HIVEP3: variants seen among roughly 807,000 people sequenced by gnomAD.
HIVEP3 encodes the protein HIVEP zinc finger 3, also known as transcription factor HIVEP3.
In HIVEP3, 49 loss-of-function variants were observed where a neutral mutation model predicts 152.8. The observed-to-expected ratio is 0.32, with a 90% CI of 0.26 to 0.41. The LOEUF is 0.41. HIVEP3 is among the 10% of genes least tolerant of loss of function. The probability of loss-of-function intolerance (pLI) is 1.00; values close to 1 mark genes in which losing one functional copy is unlikely to be tolerated. For missense variants in HIVEP3, 2,790 were observed against 3,103.3 expected (o/e 0.90, Z 2.40); for synonymous variants, 1,269 against 1,289.0 (o/e 0.98, Z 0.33).
At chr1:41,742,196 G>A (rs887758163) in intron 1 of HIVEP3, among the ~76,000 whole-genome samples, 8 of 151,904 alleles carry the variant, frequency 5.3e-5, no homozygotes, top group African/African-American at 1.2e-4. Flanking sequence ...CCATCCATAC[G>A]CTCATCTTTT....
intron 3 of HIVEP3, among the ~76,000 whole-genome samples, chr1:41,620,001 C>T (rs1240198348): frequency 1.3e-5 from 2 of 152,172 alleles, no homozygotes; most frequent in African/African-American, 2.4e-5. Flanking sequence ...CTCACAGGCT[C>T]TGCAGGGGTT....
intron 1 of HIVEP3, among the ~76,000 whole-genome samples, chr1:41,883,350 T>A (rs1224751900): frequency 6.6e-6 from 1 of 152,116 alleles, no homozygotes; most frequent in Admixed American, 6.5e-5. Context: ...ACTGCAGTGC[T>A]GTGAGCTAGA....
At chr1:41,846,567 C>T (rs1643450936) in intron 1 of HIVEP3, among the ~76,000 whole-genome samples, 2 of 152,306 alleles carry the variant, frequency 1.3e-5, no homozygotes, top group South Asian at 2.1e-4. Flanking sequence ...TGAACGTGTT[C>T]GCTGTGAGGA....
Position 41,956,029 on chromosome 1 carries a change from G to A in HIVEP3, n.120-37505C>T, listed in dbSNP as rs545815624. On this transcript the variant is annotated intron_variant and non_coding_transcript_variant, in intron 1 of 3. Transcript: ENST00000489103. ...TTGTAGCCGGGACTCACTTCCAGCG[G>A]AAGGTGAAGAACAGTGAAGGCTGAA... Among the ~76,000 whole-genome samples, 4 of 152,362 alleles carry A rather than the reference G, an allele frequency of 2.6e-5. No homozygotes were observed. The South Asian group carries it at 8.3e-4, about 32-fold the overall frequency.
chr1:41,733,329 G>A (rs1250086150), intron 1 of HIVEP3, among the ~76,000 whole-genome samples: 1 of 152,222 alleles, frequency 6.6e-6, no homozygotes, highest in Non-Finnish European at 1.5e-5. Context: ...CAACTCCCAG[G>A]TACCAAGTGG....
intron 1 of HIVEP3, among the ~76,000 whole-genome samples, chr1:41,800,820 A>G (rs2124311961): frequency 6.6e-6 from 1 of 152,304 alleles, no homozygotes; most frequent in South Asian, 2.1e-4. Context: ...GATGCCTCCC[A>G]CATAGAGATG....
rs1643337947 is a variant in HIVEP3, at chr1:41,843,131, AAGC to A, written c.-801+75279_-801+75281del. Reference sequence around the variant, plus strand: ...TCCCTAAGACCTGAGGAAACGCTAAAAGCAGGCACAAGCAGTACACAGCAAATC... The same window carrying A: ...TCCCTAAGACCTGAGGAAACGCTAAAAGGCACAAGCAGTACACAGCAAATC... On this transcript the variant is annotated intron_variant, in intron 1 of 8. Transcript: ENST00000372583. 5.9e-5 allele frequency among the ~76,000 whole-genome samples: 9 copies of A among 152,282 alleles called. 2 individuals are homozygous for A. The South Asian group carries it at 1.9e-3, about 32-fold the overall frequency.
At chr1:41,987,502 A>T (rs912655136) in intron 1 of HIVEP3, among the ~76,000 whole-genome samples, 53 of 152,210 alleles carry the variant, frequency 3.5e-4, no homozygotes, top group African/African-American at 1.3e-3. Context: ...GCATCACATT[A>T]TCTGATCTCA....
chr1:41,775,285 T>A (rs1648624995), intron 1 of HIVEP3, among the ~76,000 whole-genome samples: 1 of 152,192 alleles, frequency 6.6e-6, no homozygotes, highest in Non-Finnish European at 1.5e-5. Context: ...GAAGAAGACA[T>A]TTCTGCGGAG....
At chr1:41,759,166 C>T (rs1032164006) in intron 1 of HIVEP3, among the ~76,000 whole-genome samples, 3 of 146,188 alleles carry the variant, frequency 2.1e-5, no homozygotes, top group Admixed American at 6.8e-5. Context: ...AAAGTAATTG[C>T]GGTTTTTGCC....
chr1:41,960,496 A>T (rs1282998696), intron 1 of HIVEP3, among the ~76,000 whole-genome samples: 1 of 152,044 alleles, frequency 6.6e-6, no homozygotes, highest in African/African-American at 2.4e-5. Context: ...TAAGAGTTCA[A>T]CTCCCTTGCC....
intron 1 of HIVEP3, among the ~76,000 whole-genome samples, chr1:42,012,038 C>CA (rs1393481937): frequency 2.6e-5 from 4 of 151,798 alleles, no homozygotes; most frequent in Admixed American, 6.6e-5. Flanking sequence ...CAGTCCACTG[C>CA]AAAAAAAGAC....
chr1:41,593,195 A>G (rs1558098723), intron 3 of HIVEP3, among the ~76,000 whole-genome samples: 1 of 152,130 alleles, frequency 6.6e-6, no homozygotes, highest in Admixed American at 6.5e-5. Flanking sequence ...GAATTGTACC[A>G]TCCTTGGCTC....
chr1:41,516,564 C>T (rs1289117225), intron 7 of HIVEP3, among the ~76,000 whole-genome samples: 2 of 152,364 alleles, frequency 1.3e-5, no homozygotes, highest in East Asian at 3.9e-4. Flanking sequence ...CGCCGCTTTT[C>T]CACCTCCTGA....
chr1:41,525,842 G>T (rs757574332), intron 5 of HIVEP3, among the ~76,000 whole-genome samples: 6 of 152,162 alleles, frequency 3.9e-5, no homozygotes, highest in Non-Finnish European at 8.8e-5. Context: ...GATGCGGTGG[G>T]GAGGGTGGCA....
chr1:41,576,745 G>C (rs1020759681), intron 4 of HIVEP3, among the ~76,000 whole-genome samples: 6 of 152,194 alleles, frequency 3.9e-5, no homozygotes, highest in African/African-American at 1.4e-4. Flanking sequence ...CTGAGTTCCA[G>C]CACCAGATAG....
chr1:41,520,966 C>T (rs1013054527), intron 6 of HIVEP3, among the ~76,000 whole-genome samples: 4 of 152,132 alleles, frequency 2.6e-5, no homozygotes, highest in African/African-American at 7.2e-5. Context: ...TGGTTGGTGC[C>T]GAGTTCCATC....
intron 1 of HIVEP3, among the ~76,000 whole-genome samples, chr1:41,900,419 T>C (rs1570769544): frequency 6.6e-6 from 1 of 151,848 alleles, no homozygotes; most frequent in African/African-American, 2.4e-5. Flanking sequence ...CCCTTGGGGG[T>C]AGAGTATTTT....
At chr1:41,930,716 T>C (rs568803926) in intron 1 of HIVEP3, among the ~76,000 whole-genome samples, 1 of 152,316 alleles carries the variant, frequency 6.6e-6, no homozygotes, top group African/African-American at 2.4e-5. Flanking sequence ...GTTGTACCAT[T>C]GTGCATTCTT....
Sources: allele counts gnomAD v4.1 joint callset (sites outside exome capture counted in the v4.1 genomes callset), GRCh38; gene constraint gnomAD v4.1.1; transcripts MANE v1.5; gene names NCBI Gene and HGNC (gene_info 2026-07-23, HGNC 2026-07-21).